Variants in ADGRL3 observed in about 807,000 individuals in gnomAD.
The protein encoded by ADGRL3 is calcium-independent alpha-latrotoxin receptor 3.
In ADGRL3, 62 loss-of-function variants were observed where a neutral mutation model predicts 153.5. The observed-to-expected ratio is 0.40, with a 90% CI of 0.33 to 0.50. ADGRL3 has a LOEUF of 0.50. Among genes scored for constraint, ADGRL3 ranks in the 20% least tolerant of loss-of-function variants. ADGRL3 has a pLI of 0.47. For missense variants in ADGRL3, 1,641 were observed against 1,859.4 expected (o/e 0.88, Z 2.16); for synonymous variants, 710 against 672.5 (o/e 1.06, Z -0.86).
chr4:61,822,197 T>C (rs192881064), intron 9 of ADGRL3, among the ~76,000 whole-genome samples: 166 of 152,306 alleles, frequency 1.1e-3, no homozygotes, highest in African/African-American at 3.8e-3. Context: ...ATTAAAACTC[T>C]TTTCCTGTGT....
At chr4:61,882,999 G>A (rs754043457) in intron 9 of ADGRL3, among the ~76,000 whole-genome samples, 2 of 152,084 alleles carry the variant, frequency 1.3e-5, no homozygotes, top group African/African-American at 2.4e-5. Context: ...ACCTGTAACC[G>A]CAGCTACTGG....
At chr4:62,067,655 C>T (rs916835075) in intron 25 of ADGRL3, among the ~76,000 whole-genome samples, 5 of 151,702 alleles carry the variant, frequency 3.3e-5, no homozygotes, top group Admixed American at 2.0e-4. Flanking sequence ...ATACATAAGG[C>T]GGGAAAAAAT....
intron 5 of ADGRL3, among the ~76,000 whole-genome samples, chr4:61,670,360 T>C (rs1218240654): frequency 6.6e-6 from 1 of 152,160 alleles, no homozygotes; most frequent in Non-Finnish European, 1.5e-5. Flanking sequence ...TCAACTAATA[T>C]CATCTTTATA....
At chr4:61,690,245 G>A (rs1262677903) in intron 6 of ADGRL3, among the ~76,000 whole-genome samples, 2 of 152,096 alleles carry the variant, frequency 1.3e-5, no homozygotes, top group South Asian at 4.1e-4. Context: ...AGGAGTTCAA[G>A]ACCATCCTTG....
At chr4:61,456,274 G>T (rs2097735177) in intron 2 of ADGRL3, among the ~76,000 whole-genome samples, 1 of 148,990 alleles carries the variant, frequency 6.7e-6, no homozygotes, top group South Asian at 2.1e-4. Flanking sequence ...GAACATATCT[G>T]TTTCATTCTC....
At chr4:61,703,687 G>T (rs557239012) in intron 6 of ADGRL3, among the ~76,000 whole-genome samples, 10 of 152,168 alleles carry the variant, frequency 6.6e-5, no homozygotes, top group Middle Eastern at 3.4e-3. Flanking sequence ...AATTAGGACA[G>T]TCTTGCTAGG....
chr4:61,499,817 A>T (rs2098364082), intron 3 of ADGRL3, among the ~76,000 whole-genome samples: 1 of 152,186 alleles, frequency 6.6e-6, no homozygotes, highest in African/African-American at 2.4e-5. Flanking sequence ...TTAGGTTAAA[A>T]ATAGCAGAAA....
chr4:61,648,548 G>T lies in ADGRL3; in HGVS notation c.474-28278G>T, dbSNP rs539185793. 2.2e-3 allele frequency among the ~76,000 whole-genome samples: 332 copies of T among 150,442 alleles called. 5 individuals are homozygous for T. The South Asian group carries it at 0.036, about 16-fold the overall frequency. Reference sequence around the variant, plus strand: ...TGTTTTTTTTTCTGTTTCTTTTGGGGTTTTTTTTAGATTTTAATAGTCTTT... The same window carrying T: ...TGTTTTTTTTTCTGTTTCTTTTGGGTTTTTTTTTAGATTTTAATAGTCTTT... On this transcript the variant is annotated intron_variant, in intron 5 of 26. Coordinates refer to ENST00000683033, the MANE Select transcript of ADGRL3 (RefSeq NM_001387552.1).
At chr4:61,291,130 A>G (rs75528049) in intron 1 of ADGRL3, among the ~76,000 whole-genome samples, 4,293 of 150,742 alleles carry the variant, frequency 0.028, 81 homozygotes, top group Non-Finnish European at 0.044. Context: ...GAACTTTGCT[A>G]TATGTATTTT....
intron 5 of ADGRL3, among the ~76,000 whole-genome samples, chr4:61,593,374 C>T (rs1294431579): frequency 6.6e-6 from 1 of 151,680 alleles, no homozygotes; most frequent in Non-Finnish European, 1.5e-5. Flanking sequence ...TTGTTTGTTT[C>T]TTCTTTTCTT....
At position 61,749,519 on chromosome 4, in the gene ADGRL3, C is replaced by G. The variant is rs201938263; in HGVS notation, c.1399+15965C>G. On this transcript the variant is annotated intron_variant, in intron 8 of 26. Coordinates refer to ENST00000683033, the MANE Select transcript of ADGRL3 (RefSeq NM_001387552.1). The stretch of plus-strand genomic sequence containing the variant: ...TGTGGCACATATACACCGTGGAATA[C>G]TATGCAACCATAAAAAATGATGAGT... Among the ~76,000 whole-genome samples the G allele has an allele frequency of 3.3e-4, 51 of 152,274 alleles. No homozygotes were observed. In the East Asian group the frequency reaches 9.4e-3, roughly 28 times the overall value.
At chr4:61,744,277 G>A (rs889496839) in intron 8 of ADGRL3, among the ~76,000 whole-genome samples, 3 of 152,160 alleles carry the variant, frequency 2.0e-5, no homozygotes, top group Non-Finnish European at 4.4e-5. Flanking sequence ...CTCCACCTCT[G>A]GGGGCAGGAC....
At chr4:61,543,741 A>G (rs1323269955) in intron 4 of ADGRL3, among the ~76,000 whole-genome samples, 1 of 152,210 alleles carries the variant, frequency 6.6e-6, no homozygotes, top group Admixed American at 6.5e-5. Context: ...GTTTTTAACC[A>G]TGCATAAATG....
intron 2 of ADGRL3, among the ~76,000 whole-genome samples, chr4:61,465,916 G>T (rs1453619071): frequency 6.6e-6 from 1 of 151,744 alleles, no homozygotes; most frequent in Admixed American, 6.6e-5. Context: ...GAACTCAGGT[G>T]TTCGAGACCA....
intron 21 of ADGRL3, among the ~76,000 whole-genome samples, chr4:62,024,729 G>A (rs1436686469): frequency 6.6e-6 from 1 of 151,980 alleles, no homozygotes; most frequent in African/African-American, 2.4e-5. Context: ...AGGAGTTTGA[G>A]ACCAGTCTGT....
chr4:61,847,118 G>A (rs948721434), intron 9 of ADGRL3, among the ~76,000 whole-genome samples: 2 of 151,732 alleles, frequency 1.3e-5, no homozygotes, highest in African/African-American at 4.8e-5. Flanking sequence ...TATCATATGG[G>A]TATTAGATAA....
At chr4:61,497,465 G>T in intron 3 of ADGRL3, 117 bp downstream of exon 3, 1 of 531,512 alleles carries the variant, frequency 1.9e-6, no homozygotes. Context: ...TCATATGTTA[G>T]TATGAGTAAG....
intron 1 of ADGRL3, among the ~76,000 whole-genome samples, chr4:61,250,889 G>A (rs1387905476): frequency 6.6e-6 from 1 of 152,154 alleles, no homozygotes; most frequent in Non-Finnish European, 1.5e-5. Context: ...AAATGGGAGT[G>A]TTATAATAAA....
chr4:61,853,228 A>G (rs995203865), intron 9 of ADGRL3, among the ~76,000 whole-genome samples: 1 of 152,132 alleles, frequency 6.6e-6, no homozygotes, highest in African/African-American at 2.4e-5. Flanking sequence ...GGGTCACCCC[A>G]TTAGCATAAA....
Sources: gnomAD v4.1 joint callset for allele counts (sites outside exome capture counted in the v4.1 genomes callset) on GRCh38, gnomAD v4.1.1 for gene constraint, MANE v1.5 for transcripts, NCBI Gene and HGNC (gene_info 2026-07-23, HGNC 2026-07-21) for gene names.